The following PCGF2 variants were observed in gnomAD, a reference collection of about 807,000 sequenced individuals.
PCGF2 encodes polycomb group RING finger protein 2.
PCGF2 carries 8 observed loss-of-function variants against 36.1 expected under a neutral mutation model. That is an observed-to-expected ratio of 0.22 (90% CI 0.13 to 0.40). PCGF2 has a LOEUF of 0.40. Among genes scored for constraint, PCGF2 ranks in the 10% least tolerant of loss-of-function variants. The pLI, the probability that PCGF2 is intolerant of heterozygous loss-of-function variation, is 1.00. For synonymous variants in PCGF2, 198 were observed against 191.2 expected (o/e 1.04, Z -0.29); for missense variants, 436 against 475.9 (o/e 0.92, Z 0.78).
rs754776377 is a variant in PCGF2, at chr17:38,739,126, AAG to A, written c.266-10_266-9del. On this transcript the variant is annotated splice_polypyrimidine_tract_variant and intron_variant, in intron 5 of 10. Transcript: ENST00000620225. The surrounding 1 kb of genome is among the most constrained non-coding windows in gnomAD (Gnocchi z 4.0). ...GCCGCCGTTTCATCTCATCTGGAAG[AAG>A]GCAGCAGGATGAGGACAGGGCCATG... 8 of 1,613,986 alleles carry A rather than the reference AAG, an allele frequency of 5.0e-6. No individual in the cohort carries two copies. Among genetic ancestry groups the A allele is most frequent in the Non-Finnish European group, 6.8e-6 (8 of 1,180,020 alleles).
intron 2 of PCGF2, among the ~76,000 whole-genome samples, chr17:38,742,558 C>T (rs528598187): frequency 1.2e-3 from 180 of 152,284 alleles, no homozygotes; most frequent in African/African-American, 3.8e-3. Context: ...GGAGAGGTGG[C>T]GGCCCCGGGG....
intron 2 of PCGF2, among the ~76,000 whole-genome samples, chr17:38,743,924 G>C (rs1907372091): frequency 6.6e-6 from 1 of 152,182 alleles, no homozygotes; most frequent in Non-Finnish European, 1.5e-5. Context: ...GAAGAGGCTG[G>C]GAGATGGGAA....
At chr17:38,747,412 C>T (rs945065442) in intron 2 of PCGF2, among the ~76,000 whole-genome samples, 4 of 152,218 alleles carry the variant, frequency 2.6e-5, no homozygotes, top group African/African-American at 9.6e-5. Flanking sequence ...CCCCATTCTA[C>T]CCCCAGCGCC....
At chr17:38,736,760 G>T (rs570199892) in intron 9 of PCGF2, among the ~76,000 whole-genome samples, 10 of 152,266 alleles carry the variant, frequency 6.6e-5, no homozygotes, top group Non-Finnish European at 1.5e-4. Context: ...CGTGAACCCG[G>T]GAGGCGGAGC....
At chr17:38,748,342 G>A (rs1451082537), upstream of PCGF2, 1 of 147,176 alleles carries the variant, frequency 6.8e-6, no homozygotes, top group Non-Finnish European at 1.5e-5. Context: ...AAAGCGGCTT[G>A]GGGTGGGAGG....
At chr17:38,746,557 G>A (rs1223489750) in intron 2 of PCGF2, 2 of 152,464 alleles carry the variant, frequency 1.3e-5, no homozygotes, top group African/African-American at 4.8e-5. Flanking sequence ...CCGCTCTGGG[G>A]ACCAGAGGCT....
At chr17:38,748,390 G>T (rs1907699029), upstream of PCGF2, 1 of 122,168 alleles carries the variant, frequency 8.2e-6, no homozygotes, top group Non-Finnish European at 1.8e-5. Flanking sequence ...GGAGGGGAGG[G>T]ACCGGAGTGT....
chr17:38,744,243 T>C (rs1907394078), intron 2 of PCGF2, among the ~76,000 whole-genome samples: 1 of 152,224 alleles, frequency 6.6e-6, no homozygotes, highest in African/African-American at 2.4e-5. Flanking sequence ...GGGAGCTTGC[T>C]CAGCACCCAG....
chr17:38,741,711 C>T (rs994704016), intron 2 of PCGF2, among the ~76,000 whole-genome samples: 1 of 152,196 alleles, frequency 6.6e-6, no homozygotes, highest in Non-Finnish European at 1.5e-5. Context: ...AGGCCTGAGA[C>T]TCAGGCAGGG....
chr17:38,739,186 G>T lies in PCGF2; in HGVS notation c.265+12C>A. On this transcript the variant is annotated intron_variant, in intron 5 of 10. Coordinates refer to ENST00000620225, the MANE Select transcript of PCGF2 (RefSeq NM_007144.3). The surrounding 1 kb of genome is among the most constrained non-coding windows in gnomAD (Gnocchi z 4.0). ...AAATGGGGTCAGTGGAGGAGGAATG[G>T]AGTGCAGATACCTTTAAAAAGCCCA... The T allele has an allele frequency of 1.9e-6, 3 of 1,613,946 alleles. No individual in the cohort carries two copies. The highest frequency in any genetic ancestry group is 2.5e-6 in the Non-Finnish European group (3 of 1,179,836).
At chr17:38,736,041 C>T in intron 10 of PCGF2, 49 bp downstream of exon 10, 1 of 1,282,930 alleles carries the variant, frequency 7.8e-7, no homozygotes, top group East Asian at 2.5e-5. Context: ...CAGACCTATG[C>T]CAGACCCTGT....
At chr17:38,745,463 C>T (rs1381566742) in intron 2 of PCGF2, among the ~76,000 whole-genome samples, 1 of 152,170 alleles carries the variant, frequency 6.6e-6, no homozygotes, top group Non-Finnish European at 1.5e-5. Flanking sequence ...GGAGATCGTG[C>T]CACTGCACTC....
Position 38,736,141 on chromosome 17 carries a change from C to T in PCGF2, c.606G>A (p.Leu202=), listed in dbSNP as rs778122139. The change falls in exon 10 of 11, where the codon CTG becomes CTA. Residue 202 remains leucine (L), a synonymous_variant. Coordinates refer to ENST00000620225, the MANE Select transcript of PCGF2 (RefSeq NM_007144.3). The part of the protein sequence containing the change: ...KVEVLYEDEP[L]KEYYTLMDIA... Reference sequence around the variant, plus strand: ...TGTCCATGAGGGTGTAGTATTCCTTCAGTGGCTCGTCCTCGTACAGAACCT... The same window carrying T: ...TGTCCATGAGGGTGTAGTATTCCTTTAGTGGCTCGTCCTCGTACAGAACCT... 1.9e-6 allele frequency: 3 copies of T among 1,582,506 alleles called. No individual in the cohort carries two copies. The South Asian group carries it at 3.5e-5, about 18-fold the overall frequency.
intron 2 of PCGF2, 119 bp from the exon 3 acceptor site, chr17:38,740,561 C>T (rs534469048): frequency 2.3e-5 from 15 of 643,854 alleles, no homozygotes; most frequent in Non-Finnish European, 3.1e-5. Flanking sequence ...AGATTGAGAC[C>T]ATCTTGACTA....
Position 38,734,216 on chromosome 17 carries a change from T to A in PCGF2, c.*1007A>T, listed in dbSNP as rs1906500056. ...GTTTCTGTCTTCTTGTGCTTTTAGA[T>A]GCAGTTGCTCTGTCCTGACCAGGTG... On this transcript the variant is annotated 3_prime_UTR_variant, in exon 11 of 11. Coordinates refer to ENST00000620225, the MANE Select transcript of PCGF2 (RefSeq NM_007144.3). The A allele has an allele frequency of 6.6e-6, 1 of 152,530 alleles. No homozygotes were observed. Among genetic ancestry groups the A allele is most frequent in the Admixed American group, 6.6e-5 (1 of 15,262 alleles). The allele number at this position is 152,530 out of a possible 1,614,324, so 9.4% of individuals were successfully genotyped here.
chr17:38,736,974 A>C (rs1906810155), intron 9 of PCGF2, among the ~76,000 whole-genome samples: 1 of 151,138 alleles, frequency 6.6e-6, no homozygotes, highest in Admixed American at 6.6e-5. Flanking sequence ...CTCTACTAAA[A>C]AAACAGAATT....
At chr17:38,736,934 A>G (rs563597959) in intron 9 of PCGF2, among the ~76,000 whole-genome samples, 1 of 149,930 alleles carries the variant, frequency 6.7e-6, no homozygotes, top group African/African-American at 2.5e-5. Flanking sequence ...AGAATTCAAG[A>G]CCAGCCAAAC....
Position 38,735,240 on chromosome 17 carries a change from C to T in PCGF2, c.1018G>A (p.Val340Met), listed in dbSNP as rs764305411. The T allele has an allele frequency of 8.3e-6, 12 of 1,441,990 alleles. No homozygotes were observed. The East Asian group carries it at 3.1e-4, about 37-fold the overall frequency. The allele number at this position is 1,441,990 out of a possible 1,614,324, so 89.3% of individuals were successfully genotyped here. ...CCCTGGCCTCAAGTTAAGGGGGGCACGGGAGCGCCGTTGACAGTCATCTTG... is the reference window on the plus strand; with the variant it reads ...CCCTGGCCTCAAGTTAAGGGGGGCATGGGAGCGCCGTTGACAGTCATCTTG... ...GRKMTVNGAP[V>M]PPLT The change falls in exon 11 of 11, where the codon GTG becomes ATG. Residue 340 changes from valine (V) to methionine (M), a missense_variant. Physicochemically the swap from Val to Met is conservative, Grantham distance 21 (BLOSUM62 1). Coordinates refer to ENST00000620225, the MANE Select transcript of PCGF2 (RefSeq NM_007144.3).
At position 38,738,553 on chromosome 17, in the gene PCGF2, C is replaced by A; in HGVS notation, c.468G>T (p.Gly156=). 6.3e-7 allele frequency: 1 copy of A among 1,596,530 alleles called. No individual in the cohort carries two copies. Among genetic ancestry groups the A allele is most frequent in the Non-Finnish European group, 8.5e-7 (1 of 1,169,796 alleles). ...EKKGPLENGD[G]DKEKTGVRFL... ...CCCCAGCACTCACTTTCTCTTTGTCCCCATCCCCATTCTCCAGGGGGCCCT... is the reference window on the plus strand; with the variant it reads ...CCCCAGCACTCACTTTCTCTTTGTCACCATCCCCATTCTCCAGGGGGCCCT... Residue 156 remains glycine, a synonymous_variant, in exon 8 of 11, where the codon GGG becomes GGT. Coordinates refer to ENST00000620225, the MANE Select transcript of PCGF2 (RefSeq NM_007144.3).
Sources: gnomAD v4.1 joint callset for allele counts (sites outside exome capture counted in the v4.1 genomes callset) on GRCh38, gnomAD v4.1.1 for gene constraint, Gnocchi (gnomAD v3.1) non-coding constraint, MANE v1.5 for transcripts, NCBI Gene and HGNC (gene_info 2026-07-23, HGNC 2026-07-21) for gene names.